IQCM: variants seen among roughly 807,000 people sequenced by gnomAD.
IQCM encodes IQ motif containing M.
In IQCM, 45 loss-of-function variants were observed where a neutral mutation model predicts 57.6. The ratio of observed to expected loss-of-function variants is 0.78; its 90% CI spans 0.62 to 1.00. The LOEUF is 1.00. Ranked by LOEUF, IQCM falls within the 50% of genes least tolerant of loss-of-function variation. IQCM has a pLI of 0.00. For synonymous variants in IQCM, 148 were observed against 158.9 expected, an observed-to-expected ratio of 0.93 and a Z score of 0.51; for missense variants, 468 against 511.6, an observed-to-expected ratio of 0.91 and a Z score of 0.82.
At chr4:149,681,607 A>G (rs961048178) in intron 7 of IQCM, among the ~76,000 whole-genome samples, 2 of 151,156 alleles carry the variant, frequency 1.3e-5, no homozygotes, top group African/African-American at 4.8e-5. Flanking sequence ...GAAATCAATA[A>G]AAGTCCTACT....
chr4:149,478,570 G>A (rs1560891720), intron 12 of IQCM, among the ~76,000 whole-genome samples: 1 of 152,136 alleles, frequency 6.6e-6, no homozygotes, highest in Non-Finnish European at 1.5e-5. Flanking sequence ...GGCCTGGAGG[G>A]AACACAGCAT....
intron 7 of IQCM, among the ~76,000 whole-genome samples, chr4:149,659,802 C>T (rs1269770990): frequency 2.0e-5 from 3 of 151,684 alleles, no homozygotes; most frequent in Admixed American, 6.6e-5. Flanking sequence ...AACTGGATCC[C>T]TTCCTTACAC....
chr4:149,652,281 T>C (rs1210536510), intron 7 of IQCM, among the ~76,000 whole-genome samples: 1 of 151,818 alleles, frequency 6.6e-6, no homozygotes, highest in Non-Finnish European at 1.5e-5. Flanking sequence ...AAACTTCACA[T>C]GCCAGGGCCT....
chr4:149,617,350 G>A (rs927193926), intron 8 of IQCM, among the ~76,000 whole-genome samples: 3 of 152,110 alleles, frequency 2.0e-5, no homozygotes, highest in East Asian at 1.9e-4. Context: ...AAAAATAAAC[G>A]AAAGGGGAAT....
chr4:149,623,750 T>A (rs1267580944), intron 7 of IQCM, among the ~76,000 whole-genome samples: 1 of 151,342 alleles, frequency 6.6e-6, no homozygotes, highest in African/African-American at 2.4e-5. Flanking sequence ...TGTGTGTGTG[T>A]GTACACATGT....
At chr4:149,507,629 A>G (rs1743962545) in intron 12 of IQCM, among the ~76,000 whole-genome samples, 1 of 152,220 alleles carries the variant, frequency 6.6e-6, no homozygotes, top group African/African-American at 2.4e-5. Flanking sequence ...CAAACATTCA[A>G]GAGGTGACTT....
At chr4:149,530,609 T>C (rs1210022520) in intron 12 of IQCM, among the ~76,000 whole-genome samples, 1 of 152,156 alleles carries the variant, frequency 6.6e-6, no homozygotes, top group Non-Finnish European at 1.5e-5. Context: ...ATTAAATCTA[T>C]TTAGTTTCTC....
intron 5 of IQCM, among the ~76,000 whole-genome samples, chr4:149,714,022 T>C (rs1019652776): frequency 3.3e-5 from 5 of 152,154 alleles, no homozygotes; most frequent in African/African-American, 1.2e-4. Context: ...TATCCATATT[T>C]ATCTAATTTC....
chr4:149,536,484 C>T (rs1339986252), intron 12 of IQCM, among the ~76,000 whole-genome samples: 1 of 151,940 alleles, frequency 6.6e-6, no homozygotes, highest in African/African-American at 2.4e-5. Context: ...CTAGTTAACT[C>T]ATCTTACAAT....
At chr4:149,714,461 A>G (rs1247661296) in intron 5 of IQCM, among the ~76,000 whole-genome samples, 3 of 152,172 alleles carry the variant, frequency 2.0e-5, no homozygotes, top group Non-Finnish European at 4.4e-5. Context: ...AAATCCAGAT[A>G]TCCAACTCTC....
chr4:149,397,160 CA>C (rs1193055103), intron 13 of IQCM, among the ~76,000 whole-genome samples: 2 of 151,714 alleles, frequency 1.3e-5, no homozygotes, highest in Non-Finnish European at 2.9e-5. Flanking sequence ...GCATTTCCAC[CA>C]ACAATGTGCA....
Position 149,601,979 on chromosome 4 carries a change from G to A in IQCM, c.682-13982C>T, listed in dbSNP as rs544530712. Among the ~76,000 whole-genome samples the A allele has an allele frequency of 1.1e-4, 17 of 150,306 alleles. No homozygotes were observed. The South Asian group carries it at 3.6e-3, about 32-fold the overall frequency. ...TGAGGCGGGAGAATGGCGTGAACCC[G>A]GGAGGCGGAGCTTACAGTGAGCCAA... On this transcript the variant is annotated intron_variant, in intron 8 of 13. Transcript: ENST00000636793.
At chr4:149,688,229 A>C (rs2149791731) in intron 5 of IQCM, among the ~76,000 whole-genome samples, 1 of 152,080 alleles carries the variant, frequency 6.6e-6, no homozygotes, top group Non-Finnish European at 1.5e-5. Flanking sequence ...AGTTCCTAGA[A>C]CTGATAAAAA....
intron 3 of IQCM, among the ~76,000 whole-genome samples, chr4:149,736,122 A>G (rs1480987550): frequency 6.7e-6 from 1 of 150,206 alleles, no homozygotes; most frequent in Non-Finnish European, 1.5e-5. Context: ...TAATTTTTGT[A>G]CTTATTGTAG....
chr4:149,514,931 T>G (rs1349908736), intron 12 of IQCM, among the ~76,000 whole-genome samples: 1 of 152,184 alleles, frequency 6.6e-6, no homozygotes, highest in Non-Finnish European at 1.5e-5. Context: ...GGATGCTTCC[T>G]GCCCGTGAAC....
chr4:149,411,756 T>C (rs1733395567), intron 13 of IQCM, among the ~76,000 whole-genome samples: 1 of 152,180 alleles, frequency 6.6e-6, no homozygotes, highest in Admixed American at 6.5e-5. Flanking sequence ...GGTACTATGC[T>C]ATGTTACTTA....
chr4:149,543,273 C>A lies in IQCM; in HGVS notation c.1228+5182G>T, dbSNP rs549861055. On this transcript the variant is annotated intron_variant, in intron 12 of 13. Transcript: ENST00000636793. The stretch of plus-strand genomic sequence containing the variant: ...ATAACACTGTAAAACTTATTTATAG[C>A]TTTGAAACTGATAAGTATTGTTAAA... Among the ~76,000 whole-genome samples the A allele has an allele frequency of 4.6e-5, 7 of 152,010 alleles. No homozygotes were observed. In the South Asian group the frequency reaches 1.4e-3, roughly 31 times the overall value.
At chr4:149,654,984 A>G (rs1360766642) in intron 7 of IQCM, among the ~76,000 whole-genome samples, 2 of 152,184 alleles carry the variant, frequency 1.3e-5, no homozygotes, top group Non-Finnish European at 2.9e-5. Context: ...TTCTCCTTAC[A>G]TCTTAAATGT....
chr4:149,468,070 G>A (rs760496955), intron 12 of IQCM, among the ~76,000 whole-genome samples: 2 of 152,172 alleles, frequency 1.3e-5, no homozygotes, highest in Non-Finnish European at 2.9e-5. Flanking sequence ...AGCTCCCAGC[G>A]TGAGTGACGC....
Sources: gnomAD v4.1 joint callset for allele counts (sites outside exome capture counted in the v4.1 genomes callset) on GRCh38, gnomAD v4.1.1 for gene constraint, MANE v1.5 for transcripts, NCBI Gene and HGNC (gene_info 2026-07-23, HGNC 2026-07-21) for gene names.